The following SPAG9 variants were observed in gnomAD, a reference collection of about 807,000 sequenced individuals.
SPAG9 encodes C-Jun-amino-terminal kinase-interacting protein 4.
A neutral mutation model predicts 166.5 loss-of-function variants in SPAG9; 35 were observed. That is an observed-to-expected ratio of 0.21 (90% confidence interval 0.16 to 0.28). SPAG9 has a LOEUF of 0.28. SPAG9 is among the 10% of genes least tolerant of loss of function. SPAG9 has a pLI of 1.00. For synonymous variants in SPAG9, 534 were observed against 565.5 expected (o/e 0.94, Z 0.79); for missense variants, 1,235 against 1,603.3 (o/e 0.77, Z 3.92).
intron 2 of SPAG9, among the ~76,000 whole-genome samples, chr17:51,059,547 T>C (rs373528904): frequency 6.6e-6 from 1 of 151,740 alleles, no homozygotes; most frequent in South Asian, 2.1e-4. Context: ...AGGTCAGAAG[T>C]TCGAGAACAG....
chr17:50,983,794 A>G (rs1974826702), intron 24 of SPAG9, among the ~76,000 whole-genome samples: 2 of 152,176 alleles, frequency 1.3e-5, no homozygotes, highest in Non-Finnish European at 1.5e-5. Context: ...TAAAATGAGG[A>G]TGACCATGGA....
At chr17:51,020,811 T>C (rs1450885373) in intron 7 of SPAG9, among the ~76,000 whole-genome samples, 5 of 152,226 alleles carry the variant, frequency 3.3e-5, no homozygotes, top group African/African-American at 1.2e-4. Context: ...AAAATGGCAT[T>C]GTATTTGCAT....
chr17:51,046,389 C>A (rs536191983), intron 4 of SPAG9: 6 of 709,962 alleles, frequency 8.5e-6, no homozygotes, highest in South Asian at 1.9e-5. Flanking sequence ...TAGCTTCAGG[C>A]CATTTTCCAT....
chr17:51,028,996 T>TA (rs2046291951), intron 6 of SPAG9, among the ~76,000 whole-genome samples: 7 of 152,282 alleles, frequency 4.6e-5, no homozygotes, highest in Non-Finnish European at 1.5e-5. Context: ...CATGGAGACT[T>TA]ACGCAGTCAT....
intron 1 of SPAG9, among the ~76,000 whole-genome samples, chr17:51,083,543 T>TTTTTTTTA (rs1555656697): frequency 1.4e-5 from 2 of 141,108 alleles, no homozygotes; most frequent in Non-Finnish European, 3.0e-5. Flanking sequence ...AGCCTCTTTA[T>TTTTTTTTA]TTTATTTATT....
chr17:50,994,656 G>C (rs1279376172), intron 18 of SPAG9, among the ~76,000 whole-genome samples: 1 of 152,142 alleles, frequency 6.6e-6, no homozygotes, highest in Non-Finnish European at 1.5e-5. Flanking sequence ...GGCTGAAGTG[G>C]ACAGATCACT....
chr17:50,966,879 T>C (rs1485807197), intron 29 of SPAG9, among the ~76,000 whole-genome samples: 1 of 152,232 alleles, frequency 6.6e-6, no homozygotes, highest in Non-Finnish European at 1.5e-5. Flanking sequence ...GACACAAGCA[T>C]ATGGAAATTA....
chr17:51,070,296 C>CTAATATAGAATAAATGAT (rs2047788398), intron 2 of SPAG9, among the ~76,000 whole-genome samples: 1 of 152,138 alleles, frequency 6.6e-6, no homozygotes, highest in African/African-American at 2.4e-5. Context: ...TCTATATCAG[C>CTAATATAGAATAAATGAT]TCTGTGTGCT....
chr17:51,053,898 T>TATATATATAA lies in SPAG9; in HGVS notation c.495+2513_495+2514insTTATATATAT, dbSNP rs1186528753. ...ATATATATATATATATATATATATA[T>TATATATATAA]AAAACATATATGTATTTATAATTAT... On this transcript the variant is annotated intron_variant, in intron 3 of 29. Transcript: ENST00000262013. Among the ~76,000 whole-genome samples the TATATATATAA allele has an allele frequency of 3.9e-4, 39 of 100,152 alleles. 1 individual carries two copies. Among genetic ancestry groups the TATATATATAA allele is most frequent in the East Asian group, 1.6e-3 (5 of 3,118 alleles). The allele number at this position is 100,152 out of a possible 152,430, so 65.7% of individuals were successfully genotyped here.
In SPAG9 at chr17:50,977,116, A is replaced by G; in HGVS notation, c.3515T>C (p.Leu1172Ser). 3 of 1,588,822 alleles carry G rather than the reference A, an allele frequency of 1.9e-6. No homozygotes were observed. The highest frequency in any genetic ancestry group is 2.6e-6 in the Non-Finnish European group (3 of 1,157,340). The stretch of plus-strand genomic sequence containing the variant: ...TCTAAAAATATACTTACTTTCTGTC[A>G]ATGGGATGGAGATAATGACACCATT... ...TGNGVIISIPLTETNKTSGVP... is the reference protein window; with the variant it reads ...TGNGVIISIPSTETNKTSGVP... Residue 1172 changes from leucine (L) to serine (S), a missense_variant, in exon 27 of 30, where the codon TTG becomes TCG. Around this residue, in one of 6 missense-constraint regions of SPAG9, gnomAD observed 243 missense variants for 358.6 expected, o/e 0.68. Transcript: ENST00000262013.
At chr17:51,029,873 T>G (rs572135894) in intron 6 of SPAG9, among the ~76,000 whole-genome samples, 5 of 152,336 alleles carry the variant, frequency 3.3e-5, no homozygotes, top group African/African-American at 9.6e-5. Flanking sequence ...ACTATTGAAC[T>G]GTATACTTAC....
intron 29 of SPAG9, among the ~76,000 whole-genome samples, chr17:50,967,823 T>G (rs1011730439): frequency 1.3e-5 from 2 of 152,246 alleles, no homozygotes; most frequent in African/African-American, 4.8e-5. Context: ...AAATTTGATT[T>G]TTTACAACAG....
At chr17:51,034,791 C>A (rs764462647) in intron 5 of SPAG9, among the ~76,000 whole-genome samples, 1 of 152,182 alleles carries the variant, frequency 6.6e-6, no homozygotes, top group African/African-American at 2.4e-5. Context: ...AACAGGGTAT[C>A]TGCACAGTCT....
intron 6 of SPAG9, 127 bp downstream of exon 6, chr17:51,031,554 C>A: frequency 1.4e-6 from 1 of 718,238 alleles, no homozygotes; most frequent in South Asian, 1.7e-5. Flanking sequence ...TTTTATATTT[C>A]AGTGAATTAC....
Position 50,999,793 on chromosome 17 carries a change from C to A in SPAG9, c.1608-76G>T, listed in dbSNP as rs2044850317. On this transcript the variant is annotated intron_variant, in intron 13 of 29. Transcript: ENST00000262013. ...CTTTCTTTCTGAAGAACAAGAGACC[C>A]AAGAAGTTCATGGGATACACAGAGG... is the stretch of plus-strand genomic sequence containing the variant. The A allele has an allele frequency of 1.3e-5, 16 of 1,276,032 alleles. No homozygotes were observed. In the Middle Eastern group the frequency reaches 9.3e-4, roughly 74 times the overall value. The allele number at this position is 1,276,032 out of a possible 1,614,324, so 79.0% of individuals were successfully genotyped here.
chr17:51,070,541 G>GA (rs1598123665), intron 2 of SPAG9, among the ~76,000 whole-genome samples: 1 of 152,022 alleles, frequency 6.6e-6, no homozygotes, highest in African/African-American at 2.4e-5. Context: ...CAGTATACCA[G>GA]AAAAAATGAC....
In SPAG9 at chr17:50,979,927, A is replaced by G. The variant is rs895721616; in HGVS notation, c.3238-10T>C. 6.2e-7 allele frequency: 1 copy of G among 1,605,828 alleles called. No homozygotes were observed. The highest frequency in any genetic ancestry group is 1.3e-5 in the African/African-American group (1 of 74,790). ...GTGCATCAAAAGATTTCTAGGAGAG[A>G]TTGTCCAATCACAAAGTTACTTTTG... is the stretch of plus-strand genomic sequence containing the variant. On this transcript the variant is annotated splice_polypyrimidine_tract_variant and intron_variant, in intron 25 of 29. Transcript: ENST00000262013.
chr17:51,006,173 C>T lies in SPAG9; in HGVS notation c.1336G>A (p.Asp446Asn). The T allele has an allele frequency of 1.2e-6, 2 of 1,614,222 alleles. No homozygotes were observed. The highest frequency in any genetic ancestry group is 1.7e-6 in the Non-Finnish European group (2 of 1,180,002). The change falls in exon 11 of 30, where the codon GAT becomes AAT. Residue 446 changes from aspartate to asparagine, a missense_variant. By Grantham distance (23) the Asp-to-Asn change is conservative. Coordinates refer to ENST00000262013, the MANE Select transcript of SPAG9 (RefSeq NM_001130528.3). ...GCCTCCAATTCCCCTTGCAGCACAT[C>T]TTTCTCACAGGTCAGTTCATCCACT... is the stretch of plus-strand genomic sequence containing the variant. Reference protein sequence around the residue: ...AKVDELTCEKDVLQGELEAVK... With the variant: ...AKVDELTCEKNVLQGELEAVK...
intron 3 of SPAG9, among the ~76,000 whole-genome samples, chr17:51,053,853 A>ATATATATATATATATAT (rs2047260847): frequency 1.8e-5 from 1 of 56,186 alleles, no homozygotes; most frequent in African/African-American, 1.0e-4. Context: ...AAAAAAAAAA[A>ATATATATATATATATAT]AGTATATATA....
Sources: gnomAD v4.1 joint callset for allele counts (sites outside exome capture counted in the v4.1 genomes callset) on GRCh38, gnomAD v4.1.1 for gene constraint, gnomAD v4.1.1 regional missense constraint, MANE v1.5 for transcripts, NCBI Gene and HGNC (gene_info 2026-07-23, HGNC 2026-07-21) for gene names.